The following DOK6 variants were observed in gnomAD, a reference collection of about 807,000 sequenced individuals.
DOK6 encodes the protein downstream of tyrosine kinase 6.
Under a neutral mutation model 44.0 loss-of-function variants are expected in DOK6, and 22 were observed. The ratio of observed to expected loss-of-function variants is 0.50; its 90% CI spans 0.36 to 0.71. The LOEUF is 0.71. Among genes scored for constraint, DOK6 ranks in the 30% least tolerant of loss-of-function variants. The probability of loss-of-function intolerance (pLI) is 0.00; values close to 1 mark genes in which losing one functional copy is unlikely to be tolerated. For missense variants in DOK6, 340 were observed against 416.4 expected, an observed-to-expected ratio of 0.82 and a Z score of 1.60; for synonymous variants, 166 against 145.5, an observed-to-expected ratio of 1.14 and a Z score of -1.01.
chr18:69,710,807 T>C (rs1986738246), intron 5 of DOK6, among the ~76,000 whole-genome samples: 1 of 152,214 alleles, frequency 6.6e-6, no homozygotes, highest in Non-Finnish European at 1.5e-5. Flanking sequence ...AAATTGGGTA[T>C]TTTTTGTTTG....
intron 1 of DOK6, among the ~76,000 whole-genome samples, chr18:69,456,230 G>C (rs1421067056): frequency 6.6e-6 from 1 of 151,930 alleles, no homozygotes. Context: ...AGGGGTACTT[G>C]GGCAGGTTTG....
intron 1 of DOK6, among the ~76,000 whole-genome samples, chr18:69,497,087 G>C (rs1024822013): frequency 6.6e-6 from 1 of 152,076 alleles, no homozygotes; most frequent in African/African-American, 2.4e-5. Context: ...ATATTAAACA[G>C]GTTTGAGTTA....
chr18:69,501,620 C>A (rs1365991232), intron 1 of DOK6, among the ~76,000 whole-genome samples: 1 of 152,110 alleles, frequency 6.6e-6, no homozygotes, highest in East Asian at 1.9e-4. Context: ...GCCTAATTAA[C>A]ATATAACAAT....
intron 1 of DOK6, among the ~76,000 whole-genome samples, chr18:69,512,736 A>G (rs17773175): frequency 0.043 from 6,544 of 152,286 alleles, 210 homozygotes; most frequent in Admixed American, 0.095. Context: ...CTACAGTATT[A>G]AGCATGGATA....
chr18:69,667,779 C>T (rs1298567556), intron 3 of DOK6, among the ~76,000 whole-genome samples: 1 of 152,046 alleles, frequency 6.6e-6, no homozygotes, highest in African/African-American at 2.4e-5. Context: ...AGGTCTTAGC[C>T]CTTAAATGTC....
At chr18:69,402,714 T>C (rs1312595983) in intron 1 of DOK6, among the ~76,000 whole-genome samples, 1 of 152,194 alleles carries the variant, frequency 6.6e-6, no homozygotes, top group Non-Finnish European at 1.5e-5. Context: ...CGGAGCTGGG[T>C]GACAGCAACG....
At chr18:69,770,300 G>T (rs1005536683) in intron 7 of DOK6, among the ~76,000 whole-genome samples, 5 of 152,110 alleles carry the variant, frequency 3.3e-5, no homozygotes, top group Non-Finnish European at 7.4e-5. Context: ...GATTATCAAC[G>T]CAGGCAGTCT....
chr18:69,690,821 C>T (rs946682916), intron 4 of DOK6, among the ~76,000 whole-genome samples: 8 of 152,164 alleles, frequency 5.3e-5, no homozygotes, highest in African/African-American at 1.4e-4. Context: ...TGCCTAAATA[C>T]CATTTAGTAG....
At chr18:69,511,297 T>C (rs555846963) in intron 1 of DOK6, among the ~76,000 whole-genome samples, 1 of 152,284 alleles carries the variant, frequency 6.6e-6, no homozygotes, top group African/African-American at 2.4e-5. Flanking sequence ...GTATATAAGA[T>C]GAGGCACAAG....
chr18:69,445,395 T>G (rs1423000965), intron 1 of DOK6, among the ~76,000 whole-genome samples: 1 of 152,232 alleles, frequency 6.6e-6, no homozygotes, highest in African/African-American at 2.4e-5. Context: ...TTTCAGTCTT[T>G]CACTGTTTTG....
chr18:69,431,194 G>A (rs1324092749), intron 1 of DOK6, among the ~76,000 whole-genome samples: 1 of 152,196 alleles, frequency 6.6e-6, no homozygotes, highest in East Asian at 1.9e-4. Context: ...AAATAAAACA[G>A]TATTTTCAGC....
intron 1 of DOK6, among the ~76,000 whole-genome samples, chr18:69,438,224 C>T (rs760630089): frequency 7.9e-5 from 12 of 152,152 alleles, no homozygotes; most frequent in African/African-American, 1.2e-4. Context: ...AGTAGAACTT[C>T]GCTCACAATT....
intron 7 of DOK6, among the ~76,000 whole-genome samples, chr18:69,762,149 GCATA>G (rs60739609): frequency 0.039 from 4,336 of 110,714 alleles, 107 homozygotes; most frequent in African/African-American, 0.11. Context: ...ATCTCTGCAT[GCATA>G]CATACATACA....
chr18:69,784,829 G>A (rs1056689589), intron 7 of DOK6, among the ~76,000 whole-genome samples: 52 of 152,078 alleles, frequency 3.4e-4, no homozygotes, highest in African/African-American at 1.2e-3. Flanking sequence ...TCTTGGTCAT[G>A]GATCATTAAC....
At chr18:69,678,501 A>G (rs192025681) in intron 4 of DOK6, among the ~76,000 whole-genome samples, 1 of 152,330 alleles carries the variant, frequency 6.6e-6, no homozygotes, top group Admixed American at 6.5e-5. Context: ...TTGGCTTATC[A>G]GGTTATCGGT....
intron 3 of DOK6, among the ~76,000 whole-genome samples, chr18:69,615,642 T>C (rs572360507): frequency 1.4e-4 from 21 of 152,354 alleles, no homozygotes; most frequent in African/African-American, 4.8e-4. Flanking sequence ...CTCTTCACAA[T>C]TTCACATTGA....
intron 2 of DOK6, among the ~76,000 whole-genome samples, chr18:69,583,143 T>G (rs917974010): frequency 1.3e-5 from 2 of 152,218 alleles, no homozygotes; most frequent in African/African-American, 4.8e-5. Context: ...TTTTCCAGAA[T>G]GGCAGTTCAT....
chr18:69,646,943 A>G (rs1985089277), intron 3 of DOK6, among the ~76,000 whole-genome samples: 1 of 152,238 alleles, frequency 6.6e-6, no homozygotes, highest in Admixed American at 6.5e-5. Context: ...CTTTCTTCAT[A>G]TAGTCTATCT....
At chr18:69,729,167 A>G (rs73970243) in intron 5 of DOK6, among the ~76,000 whole-genome samples, 2,721 of 152,338 alleles carry the variant, frequency 0.018, 69 homozygotes, top group African/African-American at 0.061. Context: ...ACATATATAC[A>G]TGTACACATT....
Sources: gnomAD v4.1 joint callset for allele counts (sites outside exome capture counted in the v4.1 genomes callset) on GRCh38, gnomAD v4.1.1 for gene constraint, MANE v1.5 for transcripts, NCBI Gene and HGNC (gene_info 2026-07-23, HGNC 2026-07-21) for gene names.